ARRDC3: variants seen among roughly 807,000 people sequenced by gnomAD.
ARRDC3 encodes the protein arrestin domain-containing protein 3.
A neutral mutation model predicts 47.2 loss-of-function variants in ARRDC3; 10 were observed. The observed-to-expected ratio is 0.21, with a 90% CI of 0.13 to 0.36. ARRDC3 has a LOEUF of 0.36. Among genes scored for constraint, ARRDC3 ranks in the 10% least tolerant of loss-of-function variants. ARRDC3 has a pLI of 1.00. For synonymous variants in ARRDC3, 156 were observed against 178.3 expected (o/e 0.87, Z 1.00); for missense variants, 381 against 503.6 (o/e 0.76, Z 2.33).
chr5:91,372,309 T>C (rs943543346), intron 7 of ARRDC3, among the ~76,000 whole-genome samples: 1 of 152,172 alleles, frequency 6.6e-6, no homozygotes, highest in Admixed American at 6.5e-5. Flanking sequence ...AAAAGCCAAA[T>C]AACTTTTAGT....
intron 1 of ARRDC3, among the ~76,000 whole-genome samples, 166 bp downstream of exon 1, chr5:91,382,647 G>C (rs191161649): frequency 1.8e-3 from 281 of 152,364 alleles, no homozygotes; most frequent in Middle Eastern, 0.01. Context: ...ATGCATTACG[G>C]CTTAACACAC....
chr5:91,370,608 C>T lies in ARRDC3; in HGVS notation c.*792G>A, dbSNP rs1293636722. ...CAGTCAGTAACAAAATGCTGCTTTG[C>T]TGTAATAGTAGAAAGGCAACAAATT... On this transcript the variant is annotated 3_prime_UTR_variant, in exon 8 of 8. Transcript: ENST00000265138. The T allele has an allele frequency of 2.0e-5, 3 of 152,518 alleles. No homozygotes were observed. Among genetic ancestry groups the T allele is most frequent in the African/African-American group, 4.8e-5 (2 of 41,442 alleles). The allele number at this position is 152,518 out of a possible 1,614,324, so 9.4% of individuals were successfully genotyped here.
chr5:91,379,656 G>A (rs1385532546), intron 1 of ARRDC3, among the ~76,000 whole-genome samples: 1 of 151,908 alleles, frequency 6.6e-6, no homozygotes, highest in African/African-American at 2.4e-5. Flanking sequence ...AAATATGGGA[G>A]GGGGTTCTAG....
At chr5:91,376,547 T>TA (rs1472014944) in intron 3 of ARRDC3, 74 bp downstream of exon 3, 61 of 1,279,306 alleles carry the variant, frequency 4.8e-5, no homozygotes, top group Non-Finnish European at 6.0e-5. Flanking sequence ...GACAACTGCA[T>TA]AGTTTAGGTG....
intron 1 of ARRDC3, chr5:91,380,045 C>T (rs1799407924): frequency 6.6e-6 from 1 of 152,238 alleles, no homozygotes; most frequent in South Asian, 2.1e-4. Context: ...CTTCCTTTCC[C>T]TTTCTTCCCT....
intron 7 of ARRDC3, among the ~76,000 whole-genome samples, chr5:91,372,688 A>G (rs1799208136): frequency 6.6e-6 from 1 of 152,272 alleles, no homozygotes; most frequent in South Asian, 2.1e-4. Context: ...CATCACAACC[A>G]AAGGAAAACT....
rs772631294 is a variant in ARRDC3 at position 91,382,900 on chromosome 5, C to T, written c.193G>A (p.Ala65Thr). Residue 65 changes from alanine to threonine, a missense_variant, in exon 1 of 8, where the codon GCC becomes ACC. Transcript: ENST00000265138. ...AKVRWTESRNAGSNTAYTQNY... is the reference protein window; with the variant it reads ...AKVRWTESRNTGSNTAYTQNY... ...TGTGTATAGGCAGTATTGGAGCCGG[C>T]GTTTCTAGATTCAGTCCAGCGTACT... 4.5e-5 allele frequency: 73 copies of T among 1,613,966 alleles called. No individual in the cohort carries two copies. The highest frequency in any genetic ancestry group is 5.8e-5 in the Non-Finnish European group (68 of 1,180,010).
At chr5:91,379,920 T>C (rs369240944) in intron 1 of ARRDC3, 4 of 152,212 alleles carry the variant, frequency 2.6e-5, no homozygotes, top group African/African-American at 4.8e-5. Flanking sequence ...TATGTCTCCA[T>C]ACAATTTTCC....
chr5:91,382,164 C>G (rs954287901), intron 1 of ARRDC3, among the ~76,000 whole-genome samples: 2 of 152,110 alleles, frequency 1.3e-5, no homozygotes, highest in Non-Finnish European at 2.9e-5. Flanking sequence ...GGCTTCTAAA[C>G]CTGACTCGAT....
chr5:91,371,863 A>G (rs1385261050), intron 7 of ARRDC3, among the ~76,000 whole-genome samples: 1 of 152,188 alleles, frequency 6.6e-6, no homozygotes, highest in Non-Finnish European at 1.5e-5. Context: ...TCATCCTTCT[A>G]CAAAAAAGTT....
At chr5:91,375,488 G>T in intron 4 of ARRDC3, 23 bp downstream of exon 4, 2 of 1,529,670 alleles carry the variant, frequency 1.3e-6, no homozygotes, top group Non-Finnish European at 1.8e-6. Context: ...AAAGTTTTTT[G>T]TGGGAATCTA....
rs1799116847 is a variant in ARRDC3, at chr5:91,369,415, G to T, written c.*1985C>A. The T allele has an allele frequency of 6.6e-6, 1 of 151,930 alleles. No individual in the cohort carries two copies. Among genetic ancestry groups the T allele is most frequent in the Admixed American group, 6.6e-5 (1 of 15,142 alleles). 9.4% of individuals were successfully genotyped at this position (151,930 alleles called of 1,614,324 possible). ...TTCACCCCCATTTCCTTATTATCTAGTATTAGTTTGCTACGGGAGCCCAAA... is the reference window on the plus strand; with the variant it reads ...TTCACCCCCATTTCCTTATTATCTATTATTAGTTTGCTACGGGAGCCCAAA... On this transcript the variant is annotated 3_prime_UTR_variant, in exon 8 of 8. Coordinates refer to ENST00000265138, the MANE Select transcript of ARRDC3 (RefSeq NM_020801.4).
Position 91,370,933 on chromosome 5 carries a change from T to G in ARRDC3, c.*467A>C, listed in dbSNP as rs1446065241. The G allele has an allele frequency of 6.6e-6, 1 of 151,178 alleles. No homozygotes were observed. The allele number at this position is 151,178 out of a possible 1,614,324, so 9.4% of individuals were successfully genotyped here. ...GTGCGTTTTTTCATGTTAAAGTTTT[T>G]TCAAAGCTTTGTTTTGTTCCTTGTT... On this transcript the variant is annotated 3_prime_UTR_variant, in exon 8 of 8. Transcript: ENST00000265138.
At chr5:91,381,023 C>T (rs186399201) in intron 1 of ARRDC3, 2 of 152,276 alleles carry the variant, frequency 1.3e-5, no homozygotes, top group African/African-American at 2.4e-5. Flanking sequence ...TCACTCTCCC[C>T]ACCCGCCCGC....
chr5:91,375,681 A>C, intron 3 of ARRDC3, 68 bp from the exon 4 acceptor site: 1 of 1,037,126 alleles, frequency 9.6e-7, no homozygotes, highest in East Asian at 2.7e-5. Flanking sequence ...AGAATATTTT[A>C]AAATATAACC....
At chr5:91,377,449 G>A (rs1482429087) in intron 2 of ARRDC3, among the ~76,000 whole-genome samples, 1 of 151,874 alleles carries the variant, frequency 6.6e-6, no homozygotes, top group Non-Finnish European at 1.5e-5. Flanking sequence ...TTTTACTTGT[G>A]GAAGGTTTTA....
At chr5:91,373,550 T>C in intron 7 of ARRDC3, 134 bp downstream of exon 7, 1 of 948,982 alleles carries the variant, frequency 1.1e-6, no homozygotes, top group Non-Finnish European at 1.6e-6. Flanking sequence ...ATATTAACTT[T>C]TAATCTGTTG....
At chr5:91,372,746 A>G (rs1005004138) in intron 7 of ARRDC3, among the ~76,000 whole-genome samples, 3 of 152,230 alleles carry the variant, frequency 2.0e-5, no homozygotes, top group African/African-American at 7.2e-5. Flanking sequence ...AATATGATGA[A>G]CAATCCCCTA....
rs759162735 is a variant in ARRDC3, at chr5:91,382,993, C to T, written c.100G>A (p.Val34Ile). The T allele has an allele frequency of 3.7e-6, 6 of 1,614,098 alleles. No homozygotes were observed. Among genetic ancestry groups the T allele is most frequent in the Non-Finnish European group, 5.1e-6 (6 of 1,180,008 alleles). ...YSSGDTVSGR[V>I]NLEVTGEIRV... ...ATTTCCCCAGTAACTTCTAAATTTA[C>T]CCTTCCTGAGACGGTATCCCCACTA... is the stretch of plus-strand genomic sequence containing the variant. The change falls in exon 1 of 8, where the codon GTA (valine) becomes ATA (isoleucine). Residue 34 changes from valine to isoleucine, a missense_variant. Val to Ile is a conservative substitution (Grantham distance 29, BLOSUM62 3). Transcript: ENST00000265138.
Sources: gnomAD v4.1 joint callset for allele counts (sites outside exome capture counted in the v4.1 genomes callset) on GRCh38, gnomAD v4.1.1 for gene constraint, MANE v1.5 for transcripts, NCBI Gene and HGNC (gene_info 2026-07-23, HGNC 2026-07-21) for gene names.